MYOF: variants seen among roughly 807,000 people sequenced by gnomAD.
The protein encoded by MYOF is fer-1-like 3, myoferlin.
Under a neutral mutation model 284.2 loss-of-function variants are expected in MYOF, and 244 were observed. The observed-to-expected ratio is 0.86, with a 90% confidence interval of 0.77 to 0.95. The LOEUF is 0.95. MYOF is among the 40% of genes least tolerant of loss of function. The pLI is 0.00. For missense variants in MYOF, 2,496 were observed against 2,560.6 expected (o/e 0.97, Z 0.54); for synonymous variants, 904 against 919.7 (o/e 0.98, Z 0.31).
Position 93,372,802 on chromosome 10 carries a change from G to C in MYOF, c.2457+128C>G, listed in dbSNP as rs182016039. The C allele has an allele frequency of 8.1e-4, 919 of 1,139,638 alleles. 2 individuals carry two copies. The highest frequency in any genetic ancestry group is 3.7e-3 in the South Asian group (251 of 67,404). The allele number at this position is 1,139,638 out of a possible 1,614,324, so 70.6% of individuals were successfully genotyped here. A position where few individuals can be genotyped will look rare whatever the true frequency, so the allele number is the denominator to read the frequency against. ...ATTATTGCCCCAGAGAGAGGGACCA[G>C]GATGGGCTAGAATTGATCCCAATCA... On this transcript the variant is annotated intron_variant, in intron 24 of 53. Coordinates refer to ENST00000359263, the MANE Select transcript of MYOF (RefSeq NM_013451.4).
At chr10:93,430,293 A>C (rs112083226) in intron 4 of MYOF, among the ~76,000 whole-genome samples, 19,806 of 150,528 alleles carry the variant, frequency 0.13, 1,350 homozygotes, top group Middle Eastern at 0.2. Flanking sequence ...TGTAATAAAG[A>C]TTATGAGGCC....
At chr10:93,310,295 C>A in intron 52 of MYOF, 128 bp from the exon 53 acceptor site, 1 of 1,241,810 alleles carries the variant, frequency 8.1e-7, no homozygotes. Flanking sequence ...TGTTCCCCTT[C>A]GTTGACTGAG....
intron 16 of MYOF, among the ~76,000 whole-genome samples, chr10:93,394,257 A>AC (rs1846848356): frequency 6.6e-6 from 1 of 151,580 alleles, no homozygotes; most frequent in Non-Finnish European, 1.5e-5. Flanking sequence ...ACCTGCCACC[A>AC]CACCCGGCTA....
chr10:93,430,555 C>T (rs1376109114), intron 4 of MYOF, among the ~76,000 whole-genome samples: 1 of 146,154 alleles, frequency 6.8e-6, no homozygotes, highest in Non-Finnish European at 1.5e-5. Flanking sequence ...GCCCTCCAGC[C>T]TGGGTGACGG....
intron 1 of MYOF, among the ~76,000 whole-genome samples, chr10:93,457,899 A>G (rs1468991695): frequency 7.1e-6 from 1 of 141,614 alleles, no homozygotes. Context: ...CACCCAGCTA[A>G]TTTTTCTATG....
chr10:93,430,317 C>T (rs551938083), intron 4 of MYOF, among the ~76,000 whole-genome samples: 6 of 151,788 alleles, frequency 4.0e-5, no homozygotes, highest in Admixed American at 6.6e-5. Context: ...CGTGGTGGCT[C>T]ATGCCTGTAA....
intron 51 of MYOF, among the ~76,000 whole-genome samples, 167 bp downstream of exon 51, chr10:93,312,853 G>T (rs1446779863): frequency 6.6e-6 from 1 of 151,826 alleles, no homozygotes; most frequent in East Asian, 1.9e-4. Flanking sequence ...ACCTTATATT[G>T]TAAGACAAAG....
At chr10:93,379,575 T>C (rs1846015548) in intron 21 of MYOF, among the ~76,000 whole-genome samples, 1 of 152,010 alleles carries the variant, frequency 6.6e-6, no homozygotes, top group Admixed American at 6.6e-5. Flanking sequence ...TTACCAGCCC[T>C]CCCCTCAGGC....
At chr10:93,311,589 T>C (rs787662) in intron 51 of MYOF, among the ~76,000 whole-genome samples, 39 of 3,156 alleles carry the variant, frequency 0.012, 1 homozygote, top group African/African-American at 0.012. Flanking sequence ...ACTTCATCTC[T>C]AAAAAAAAAA....
intron 22 of MYOF, among the ~76,000 whole-genome samples, chr10:93,375,470 C>T (rs1270944773): frequency 2.6e-5 from 4 of 152,218 alleles, no homozygotes; most frequent in African/African-American, 4.8e-5. Flanking sequence ...TGTGTCAACA[C>T]GTAGTGTGAT....
At position 93,396,178 on chromosome 10, in the gene MYOF, G is replaced by A; in HGVS notation, c.1381C>T (p.Leu461Phe). The A allele has an allele frequency of 2.5e-6, 4 of 1,609,230 alleles. No individual in the cohort carries two copies. Among genetic ancestry groups the A allele is most frequent in the Non-Finnish European group, 3.4e-6 (4 of 1,177,432 alleles). Residue 461 changes from leucine to phenylalanine, a missense_variant, in exon 16 of 54, where the codon CTC (leucine) becomes TTC (phenylalanine). By Grantham distance (22) the Leu-to-Phe change is conservative. Coordinates refer to ENST00000359263, the MANE Select transcript of MYOF (RefSeq NM_013451.4). ...NDVVGTTYLH[L>F]SKIAASGGEV... ...CCACCAGAGGCAGCAATTTTAGAGA[G>A]GTGTAGATATGTTGTTCCAACTACA...
rs375539225 is a variant in MYOF at position 93,377,326 on chromosome 10, G to A, written c.2105C>T (p.Thr702Met). 2.2e-5 allele frequency: 36 copies of A among 1,611,900 alleles called. No homozygotes were observed. The African/African-American group carries it at 2.9e-4, about 13-fold the overall frequency. The change falls in exon 22 of 54, where the codon ACG becomes ATG. Residue 702 changes from threonine to methionine, a missense_variant. Transcript: ENST00000359263. ...LKLIDEVIED[T>M]RYTLPLTEGK... ...GATAGGCGTAAGATCACTGTACCTC[G>A]TGTCTTCTATAACTTCATCTATCAG...
chr10:93,417,804 G>A (rs945349488), intron 5 of MYOF, among the ~76,000 whole-genome samples: 1 of 152,030 alleles, frequency 6.6e-6, no homozygotes, highest in Admixed American at 6.6e-5. Flanking sequence ...GCTGGACTGG[G>A]ATCCTCCTGG....
At position 93,306,952 on chromosome 10, in the gene MYOF, CT is replaced by C; in HGVS notation, c.*10del. ...TGCTGGATGACTCTTGAAATGAAGCCTTTGCCTTTGTTACACATTTGGCTTT... is the reference window on the plus strand; with the variant it reads ...TGCTGGATGACTCTTGAAATGAAGCCTTGCCTTTGTTACACATTTGGCTTT... On this transcript the variant is annotated 3_prime_UTR_variant, in exon 54 of 54. Coordinates refer to ENST00000359263, the MANE Select transcript of MYOF (RefSeq NM_013451.4). 1 of 1,612,024 alleles carries C rather than the reference CT, an allele frequency of 6.2e-7. No homozygotes were observed. Among genetic ancestry groups the C allele is most frequent in the Non-Finnish European group, 8.5e-7 (1 of 1,178,614 alleles).
rs780257940 is a variant in MYOF, at chr10:93,355,649, T to C, written c.3382A>G (p.Ile1128Val). 1.2e-6 allele frequency: 2 copies of C among 1,609,862 alleles called. No homozygotes were observed. Among genetic ancestry groups the C allele is most frequent in the South Asian group, 2.2e-5 (2 of 90,498 alleles). The stretch of plus-strand genomic sequence containing the variant: ...TCACTGTCAAAATTGCAGGAAACAA[T>C]GGGGGTGTTTGCTCCGAACACAGTG... ...ATTVFGANTP[I>V]VSCNFDRVYI... Residue 1128 changes from isoleucine (I) to valine (V), a missense_variant, in exon 31 of 54, where the codon ATT becomes GTT. By Grantham distance (29) the Ile-to-Val change is conservative (BLOSUM62 3). Coordinates refer to ENST00000359263, the MANE Select transcript of MYOF (RefSeq NM_013451.4).
Position 93,482,217 on chromosome 10 carries a change from A to T in MYOF, c.-23T>A, listed in dbSNP as rs1023261570. ...CATGGTTCTTAGCTGGTAGAAAGCA[A>T]GTTTCAGCAAACGAAGTGGAGACTA... On this transcript the variant is annotated 5_prime_UTR_variant, in exon 1 of 54. It adds an upstream start codon to the 5' untranslated region. Transcript: ENST00000359263. 1 of 1,604,126 alleles carries T rather than the reference A, an allele frequency of 6.2e-7. No individual in the cohort carries two copies. Among genetic ancestry groups the T allele is most frequent in the Admixed American group, 1.7e-5 (1 of 58,670 alleles).
At chr10:93,326,222 C>T (rs1234931303) in intron 45 of MYOF, among the ~76,000 whole-genome samples, 6 of 152,098 alleles carry the variant, frequency 3.9e-5, no homozygotes, top group Non-Finnish European at 7.4e-5. Flanking sequence ...TAAGTGGGAG[C>T]GTTATATATT....
intron 25 of MYOF, among the ~76,000 whole-genome samples, chr10:93,369,412 T>C (rs1845485312): frequency 6.6e-6 from 1 of 152,164 alleles, no homozygotes; most frequent in Admixed American, 6.5e-5. Flanking sequence ...AAGTCATCTC[T>C]TGGAATTATC....
At chr10:93,397,514 A>G (rs1408686734) in intron 13 of MYOF, 58 bp from the exon 14 acceptor site, 11 of 1,313,788 alleles carry the variant, frequency 8.4e-6, no homozygotes, top group East Asian at 4.7e-5. Context: ...CTAAAAGTTT[A>G]CAATCTATGC....
Sources: allele counts gnomAD v4.1 joint callset (sites outside exome capture counted in the v4.1 genomes callset), GRCh38; gene constraint gnomAD v4.1.1; transcripts MANE v1.5; gene names NCBI Gene and HGNC (gene_info 2026-07-23, HGNC 2026-07-21).